Variants in ANKS1B observed in about 807,000 individuals in gnomAD.
ANKS1B encodes ankyrin repeat and sterile alpha motif domain-containing protein 1B.
A neutral mutation model predicts 148.3 loss-of-function variants in ANKS1B; 36 were observed. The observed-to-expected ratio is 0.24, with a 90% CI of 0.19 to 0.32. ANKS1B has a LOEUF of 0.32. Ranked by LOEUF, ANKS1B falls within the 10% of genes least tolerant of loss-of-function variation. ANKS1B has a pLI of 1.00. For synonymous variants in ANKS1B, 542 were observed against 560.8 expected, an observed-to-expected ratio of 0.97 and a Z score of 0.47; for missense variants, 1,157 against 1,542.6, an observed-to-expected ratio of 0.75 and a Z score of 4.19.
intron 17 of ANKS1B, among the ~76,000 whole-genome samples, chr12:98,905,608 A>C (rs1393602497): frequency 2.0e-5 from 3 of 151,998 alleles, no homozygotes; most frequent in Non-Finnish European, 4.4e-5. Flanking sequence ...CATATCTACA[A>C]AAAATTTTTA....
chr12:99,945,693 G>A (rs1051501470), intron 1 of ANKS1B, among the ~76,000 whole-genome samples: 1 of 152,176 alleles, frequency 6.6e-6, no homozygotes, highest in Non-Finnish European at 1.5e-5. Context: ...AGGCAGCAAG[G>A]CAAAGCAGCT....
At chr12:98,957,573 C>A (rs1317581020) in intron 17 of ANKS1B, among the ~76,000 whole-genome samples, 2 of 151,940 alleles carry the variant, frequency 1.3e-5, no homozygotes, top group Non-Finnish European at 2.9e-5. Flanking sequence ...GTCTCAAACT[C>A]CTGACCTTGT....
At position 99,831,725 on chromosome 12, in the gene ANKS1B, T is replaced by TG. The variant is rs370449625; in HGVS notation, c.135-6337_135-6336insC. Reference sequence around the variant, plus strand: ...GAGCTCCTACTGATCAGGGTTTTTTTTTTTTAGCTTATGTGAACCTCCCTG... The same window carrying TG: ...GAGCTCCTACTGATCAGGGTTTTTTTGTTTTTAGCTTATGTGAACCTCCCTG... On this transcript the variant is annotated intron_variant, in intron 1 of 26. Coordinates refer to ENST00000683438, the MANE Select transcript of ANKS1B (RefSeq NM_001352186.2). Among the ~76,000 whole-genome samples, 1,200 of 152,230 alleles carry TG rather than the reference T, an allele frequency of 7.9e-3. 16 individuals are homozygous for TG. Among genetic ancestry groups the TG allele is most frequent in the African/African-American group, 0.027 (1,134 of 41,544 alleles).
At chr12:99,449,573 A>C (rs1440177947) in intron 10 of ANKS1B, among the ~76,000 whole-genome samples, 1 of 152,170 alleles carries the variant, frequency 6.6e-6, no homozygotes, top group Non-Finnish European at 1.5e-5. Flanking sequence ...AAAAGAAAAG[A>C]AAAATAACTT....
chr12:99,495,722 C>A (rs1187002462), intron 10 of ANKS1B, among the ~76,000 whole-genome samples: 1 of 152,268 alleles, frequency 6.6e-6, no homozygotes, highest in East Asian at 1.9e-4. Context: ...AGTTTGCTCT[C>A]TTAAATGAGT....
chr12:99,647,380 T>C (rs1239464571), intron 9 of ANKS1B, among the ~76,000 whole-genome samples: 3 of 152,230 alleles, frequency 2.0e-5, no homozygotes, highest in Non-Finnish European at 4.4e-5. Flanking sequence ...CAACAAACAT[T>C]GATAAACATC....
intron 16 of ANKS1B, among the ~76,000 whole-genome samples, chr12:99,068,573 T>C (rs1254880804): frequency 6.6e-6 from 1 of 152,186 alleles, no homozygotes; most frequent in Non-Finnish European, 1.5e-5. Context: ...CTAGAGTGGA[T>C]TGGAAACATT....
At chr12:99,385,349 G>A (rs977509832) in intron 12 of ANKS1B, among the ~76,000 whole-genome samples, 1 of 152,106 alleles carries the variant, frequency 6.6e-6, no homozygotes, top group Non-Finnish European at 1.5e-5. Context: ...CGTGCCTGTA[G>A]TCCCAGCTAC....
At chr12:99,412,575 C>T (rs2094749782) in intron 11 of ANKS1B, among the ~76,000 whole-genome samples, 1 of 152,124 alleles carries the variant, frequency 6.6e-6, no homozygotes, top group African/African-American at 2.4e-5. Flanking sequence ...CTTGTTTTGT[C>T]TAAATCTAGC....
chr12:98,815,021 C>T (rs2099128246), intron 19 of ANKS1B, among the ~76,000 whole-genome samples: 1 of 152,166 alleles, frequency 6.6e-6, no homozygotes, highest in Non-Finnish European at 1.5e-5. Flanking sequence ...AATCTAATCA[C>T]AAAATAAAAA....
At chr12:98,788,421 C>T (rs562267139) in intron 22 of ANKS1B, among the ~76,000 whole-genome samples, 21 of 152,262 alleles carry the variant, frequency 1.4e-4, no homozygotes, top group African/African-American at 5.1e-4. Flanking sequence ...AAGTTTCCCC[C>T]TCTAGACATC....
chr12:99,942,367 G>A (rs751119373), intron 1 of ANKS1B, among the ~76,000 whole-genome samples: 2 of 152,168 alleles, frequency 1.3e-5, no homozygotes, highest in South Asian at 4.1e-4. Flanking sequence ...ATATTTGAGA[G>A]AGCAGCAGAG....
chr12:99,719,892 C>A (rs1377817757), intron 8 of ANKS1B, among the ~76,000 whole-genome samples: 1 of 152,084 alleles, frequency 6.6e-6, no homozygotes, highest in African/African-American at 2.4e-5. Context: ...CCAACTTATA[C>A]CCCTCACTTT....
chr12:99,925,667 G>A (rs764124606), intron 1 of ANKS1B, among the ~76,000 whole-genome samples: 5 of 151,950 alleles, frequency 3.3e-5, no homozygotes, highest in East Asian at 1.9e-4. Flanking sequence ...GTTAAGCTTC[G>A]TCAAAAGGAG....
At chr12:98,877,554 T>C (rs943766373) in intron 17 of ANKS1B, among the ~76,000 whole-genome samples, 10 of 152,242 alleles carry the variant, frequency 6.6e-5, no homozygotes, top group Admixed American at 5.2e-4. Context: ...ATGCATGAAT[T>C]AACACAGTTA....
At chr12:99,483,771 T>C (rs939648524) in intron 10 of ANKS1B, among the ~76,000 whole-genome samples, 10 of 152,140 alleles carry the variant, frequency 6.6e-5, no homozygotes, top group South Asian at 2.1e-4. Flanking sequence ...CTCTAGGTTT[T>C]CTAGTTCATG....
At chr12:98,850,499 ACT>A (rs1179891159) in intron 17 of ANKS1B, among the ~76,000 whole-genome samples, 1 of 108,236 alleles carries the variant, frequency 9.2e-6, no homozygotes, top group African/African-American at 3.6e-5. Context: ...ACGGAGTCTC[ACT>A]CTGTCGCCCA....
chr12:99,179,155 G>A lies in ANKS1B; in HGVS notation c.2420-24760C>T, dbSNP rs186136886. Among the ~76,000 whole-genome samples, 31 of 152,232 alleles carry A rather than the reference G, an allele frequency of 2.0e-4. No individual in the cohort carries two copies. In the South Asian group the frequency reaches 3.1e-3, roughly 15 times the overall value. On this transcript the variant is annotated intron_variant, in intron 14 of 26. Transcript: ENST00000683438. Reference sequence around the variant, plus strand: ...GATATAAATTTAGTTGAGGCCGGGCGCGGTGGCTCATGCCTATAATCCCAG... The same window carrying A: ...GATATAAATTTAGTTGAGGCCGGGCACGGTGGCTCATGCCTATAATCCCAG...
chr12:98,815,122 G>A (rs2099129154), intron 19 of ANKS1B, among the ~76,000 whole-genome samples: 1 of 152,008 alleles, frequency 6.6e-6, no homozygotes, highest in Non-Finnish European at 1.5e-5. Context: ...CTTCATTATG[G>A]TTTGTCCTCT....
Sources: allele counts gnomAD v4.1 joint callset (sites outside exome capture counted in the v4.1 genomes callset), GRCh38; gene constraint gnomAD v4.1.1; transcripts MANE v1.5; gene names NCBI Gene and HGNC (gene_info 2026-07-23, HGNC 2026-07-21).